Variants in GRID1 observed in about 807,000 individuals in gnomAD.
GRID1 encodes glutamate receptor ionotropic, delta-1.
In GRID1, 28 loss-of-function variants were observed where a neutral mutation model predicts 98.0. The observed-to-expected ratio is 0.29, with a 90% CI of 0.21 to 0.39. The LOEUF (loss-of-function observed/expected upper bound fraction) is 0.39, where lower values mean the gene tolerates loss of function less well. GRID1 is among the 10% of genes least tolerant of loss of function. GRID1 has a pLI of 1.00. For missense variants in GRID1, 1,111 were observed against 1,340.5 expected, an observed-to-expected ratio of 0.83 and a Z score of 2.67; for synonymous variants, 553 against 538.5, an observed-to-expected ratio of 1.03 and a Z score of -0.37.
At chr10:85,603,586 T>C (rs1842613859) in intron 15 of GRID1, among the ~76,000 whole-genome samples, 2 of 152,336 alleles carry the variant, frequency 1.3e-5, no homozygotes, top group South Asian at 4.1e-4. Flanking sequence ...GTCAGAATAA[T>C]TAAAGGCAGA....
intron 4 of GRID1, among the ~76,000 whole-genome samples, chr10:85,942,843 A>G (rs1485799267): frequency 1.3e-5 from 2 of 152,184 alleles, no homozygotes; most frequent in African/African-American, 2.4e-5. Flanking sequence ...CATATTCAAA[A>G]CTATTAAATA....
chr10:86,161,666 A>T (rs1845325439), intron 3 of GRID1, among the ~76,000 whole-genome samples: 1 of 152,152 alleles, frequency 6.6e-6, no homozygotes, highest in Non-Finnish European at 1.5e-5. Flanking sequence ...CTTCCCAAAA[A>T]TGCTGCACAT....
intron 12 of GRID1, among the ~76,000 whole-genome samples, chr10:85,700,870 C>T (rs1841442895): frequency 6.6e-6 from 1 of 152,050 alleles, no homozygotes; most frequent in African/African-American, 2.4e-5. Flanking sequence ...TGTATAGATT[C>T]CTAAGACTAA....
At chr10:85,743,105 GC>G (rs4031782) in intron 8 of GRID1, among the ~76,000 whole-genome samples, 4,927 of 82,630 alleles carry the variant, frequency 0.06, 317 homozygotes, top group African/African-American at 0.13. Flanking sequence ...GAATTATGCA[GC>G]CCCCCCCCCC....
At chr10:85,879,353 C>T (rs538329053) in intron 5 of GRID1, among the ~76,000 whole-genome samples, 462 of 152,196 alleles carry the variant, frequency 3.0e-3, no homozygotes, top group Non-Finnish European at 5.0e-3. Context: ...TATTCCAAAA[C>T]TGACCACATA....
chr10:86,298,889 C>T (rs1385422557), intron 2 of GRID1, among the ~76,000 whole-genome samples: 1 of 152,192 alleles, frequency 6.6e-6, no homozygotes, highest in African/African-American at 2.4e-5. Context: ...ACTCACGGAT[C>T]CCTGGCCTGC....
At chr10:85,659,324 GC>G (rs1362763135) in intron 12 of GRID1, among the ~76,000 whole-genome samples, 1 of 152,240 alleles carries the variant, frequency 6.6e-6, no homozygotes, top group Non-Finnish European at 1.5e-5. Context: ...ATGAGGGTAT[GC>G]CATTTGCTAT....
chr10:86,283,242 C>A (rs1410506411), intron 2 of GRID1, among the ~76,000 whole-genome samples: 1 of 152,194 alleles, frequency 6.6e-6, no homozygotes, highest in Non-Finnish European at 1.5e-5. Flanking sequence ...AGGAGACTCT[C>A]CTCTGGAAAA....
chr10:85,955,728 ACAGT>A (rs1375609267), intron 4 of GRID1, among the ~76,000 whole-genome samples: 1 of 127,136 alleles, frequency 7.9e-6, no homozygotes, highest in Non-Finnish European at 1.8e-5. Flanking sequence ...TAGTCATCAG[ACAGT>A]CAGTCAGCAC....
Position 86,023,615 on chromosome 10 carries a change from G to A in GRID1, c.727-107376C>T, listed in dbSNP as rs950057605. On this transcript the variant is annotated intron_variant, in intron 4 of 15. Coordinates refer to ENST00000327946, the MANE Select transcript of GRID1 (RefSeq NM_017551.3). ...CTGACAATACCTGCACACATAAACC[G>A]CACCAACACTACACACCCAGCATGC... 1.7e-4 allele frequency among the ~76,000 whole-genome samples: 26 copies of A among 151,912 alleles called. 1 individual carries two copies. The highest frequency in any genetic ancestry group is 6.6e-5 in the Admixed American group (1 of 15,264).
At chr10:86,086,766 T>C (rs1014039464) in intron 4 of GRID1, among the ~76,000 whole-genome samples, 23 of 152,136 alleles carry the variant, frequency 1.5e-4, no homozygotes, top group Non-Finnish European at 1.9e-4. Flanking sequence ...GTGTGGACAG[T>C]GTGTGTTGGT....
intron 2 of GRID1, among the ~76,000 whole-genome samples, chr10:86,222,805 AG>A (rs952523482): frequency 6.6e-6 from 1 of 152,122 alleles, no homozygotes; most frequent in Non-Finnish European, 1.5e-5. Flanking sequence ...GCCCAGCTGA[AG>A]GGGGGCAGGG....
intron 8 of GRID1, among the ~76,000 whole-genome samples, chr10:85,733,328 GAC>G (rs1841845475): frequency 6.6e-6 from 1 of 152,154 alleles, no homozygotes; most frequent in Non-Finnish European, 1.5e-5. Context: ...TCTTGGGCTA[GAC>G]CTGGCCTTGC....
At chr10:86,008,385 G>A (rs912452801) in intron 4 of GRID1, among the ~76,000 whole-genome samples, 33 of 152,132 alleles carry the variant, frequency 2.2e-4, no homozygotes, top group African/African-American at 7.7e-4. Context: ...AAAAAAAACT[G>A]TATAGAATAA....
chr10:86,329,978 C>T (rs12573701), intron 2 of GRID1, among the ~76,000 whole-genome samples: 8,869 of 152,250 alleles, frequency 0.058, 804 homozygotes, highest in East Asian at 0.47. Context: ...ACTCTGATCT[C>T]GAGGATGGGC....
chr10:85,862,221 G>A (rs1843169531), intron 6 of GRID1, among the ~76,000 whole-genome samples: 1 of 152,114 alleles, frequency 6.6e-6, no homozygotes, highest in African/African-American at 2.4e-5. Flanking sequence ...GAATTAGGAA[G>A]GAACATTTAT....
rs556675333 is a variant in GRID1, at chr10:86,088,932, T to C, written c.726+49887A>G. On this transcript the variant is annotated intron_variant, in intron 4 of 15. Coordinates refer to ENST00000327946, the MANE Select transcript of GRID1 (RefSeq NM_017551.3). The stretch of plus-strand genomic sequence containing the variant: ...AATGCTATCAACAGAAGTCCTGCTC[T>C]ATCTAGCCAAAGGTCCAGGAAAGGG... Among the ~76,000 whole-genome samples the C allele has an allele frequency of 2.0e-5, 3 of 152,046 alleles. No homozygotes were observed. In the South Asian group the frequency reaches 6.2e-4, roughly 32 times the overall value.
At chr10:85,956,932 T>C (rs960308117) in intron 4 of GRID1, among the ~76,000 whole-genome samples, 6 of 152,166 alleles carry the variant, frequency 3.9e-5, no homozygotes, top group Admixed American at 3.3e-4. Flanking sequence ...AGAGGTTTAA[T>C]TGACTCACAG....
chr10:86,021,441 T>C (rs1383812404), intron 4 of GRID1, among the ~76,000 whole-genome samples: 1 of 152,210 alleles, frequency 6.6e-6, no homozygotes, highest in East Asian at 1.9e-4. Flanking sequence ...CCCTGAGATG[T>C]CTGTTTAGGG....
Sources: gnomAD v4.1 joint callset for allele counts (sites outside exome capture counted in the v4.1 genomes callset) on GRCh38, gnomAD v4.1.1 for gene constraint, MANE v1.5 for transcripts, NCBI Gene and HGNC (gene_info 2026-07-23, HGNC 2026-07-21) for gene names.